Variants in SHANK2 observed in about 807,000 individuals in gnomAD.
The protein encoded by SHANK2 is SH3 and multiple ankyrin repeat domains protein 2.
Under a neutral mutation model 133.7 loss-of-function variants are expected in SHANK2, and 43 were observed. That is an observed-to-expected ratio of 0.32 (90% CI 0.25 to 0.41). The LOEUF is 0.41. Ranked by LOEUF, SHANK2 falls within the 10% of genes least tolerant of loss-of-function variation. The pLI, the probability that SHANK2 is intolerant of heterozygous loss-of-function variation, is 1.00. For missense variants in SHANK2, 1,994 were observed against 2,235.8 expected, an observed-to-expected ratio of 0.89 and a Z score of 2.18; for synonymous variants, 1,017 against 952.8, an observed-to-expected ratio of 1.07 and a Z score of -1.24.
intron 10 of SHANK2, among the ~76,000 whole-genome samples, chr11:70,949,868 C>G (rs1275480320): frequency 2.0e-5 from 3 of 152,212 alleles, no homozygotes; most frequent in African/African-American, 7.2e-5. Flanking sequence ...CTTAGTGAGT[C>G]GGGGCCTCTA....
chr11:70,773,432 A>T (rs1174104806), intron 14 of SHANK2, among the ~76,000 whole-genome samples: 1 of 152,232 alleles, frequency 6.6e-6, no homozygotes, highest in African/African-American at 2.4e-5. Context: ...CTTTGGAAGG[A>T]TCTTTTCAAT....
chr11:70,795,263 T>A (rs1565321404), intron 14 of SHANK2, among the ~76,000 whole-genome samples: 1 of 152,096 alleles, frequency 6.6e-6, no homozygotes, highest in Non-Finnish European at 1.5e-5. Context: ...CTAGAACCTG[T>A]GAATATGCTC....
At chr11:70,828,695 C>T (rs1470173282) in intron 11 of SHANK2, among the ~76,000 whole-genome samples, 7 of 152,158 alleles carry the variant, frequency 4.6e-5, no homozygotes, top group East Asian at 1.9e-4. Flanking sequence ...CCCTGGCTGG[C>T]GAGCGCTGGG....
At chr11:71,080,233 AC>A (rs1457113899) in intron 8 of SHANK2, among the ~76,000 whole-genome samples, 3 of 152,106 alleles carry the variant, frequency 2.0e-5, no homozygotes, top group African/African-American at 7.2e-5. Context: ...GGGAGGCTCC[AC>A]CCATGTCTGC....
chr11:70,756,708 G>A (rs956280535), intron 14 of SHANK2, among the ~76,000 whole-genome samples: 1 of 152,192 alleles, frequency 6.6e-6, no homozygotes, highest in Non-Finnish European at 1.5e-5. Context: ...CACACTCTGG[G>A]GCACCAGGCA....
At chr11:70,606,011 G>C (rs968406743) in intron 17 of SHANK2, among the ~76,000 whole-genome samples, 6 of 152,148 alleles carry the variant, frequency 3.9e-5, no homozygotes, top group Non-Finnish European at 8.8e-5. Flanking sequence ...CCTGGGGAAA[G>C]ATAACCATCC....
chr11:71,167,830 C>A (rs1422202717), intron 2 of SHANK2, among the ~76,000 whole-genome samples: 63 of 120,018 alleles, frequency 5.2e-4, no homozygotes, highest in Admixed American at 1.4e-3. Flanking sequence ...ACGGGGCGGC[C>A]GGCCAGGCAG....
At chr11:70,784,362 T>TG (rs1555045949) in intron 14 of SHANK2, among the ~76,000 whole-genome samples, 5 of 138,394 alleles carry the variant, frequency 3.6e-5, no homozygotes, top group African/African-American at 1.4e-4. Flanking sequence ...TTTTTTTTTT[T>TG]TTTTTTTTTT....
intron 14 of SHANK2, among the ~76,000 whole-genome samples, chr11:70,795,317 G>A (rs572304580): frequency 1.6e-4 from 25 of 152,172 alleles, no homozygotes; most frequent in African/African-American, 4.8e-4. Context: ...GAATTAAGGC[G>A]GCCCATCAGT....
intron 14 of SHANK2, among the ~76,000 whole-genome samples, chr11:70,746,202 G>T (rs1343702444): frequency 1.3e-5 from 2 of 152,256 alleles, no homozygotes; most frequent in Non-Finnish European, 2.9e-5. Context: ...GGGCTGGGTA[G>T]CGTGCCCAGC....
At chr11:70,480,816 G>A (rs151322260) in intron 25 of SHANK2, among the ~76,000 whole-genome samples, 392 of 152,326 alleles carry the variant, frequency 2.6e-3, no homozygotes, top group Non-Finnish European at 4.1e-3. Context: ...GGTGAATTCA[G>A]GAGACAGTGG....
At chr11:70,540,522 C>T (rs929232060) in intron 17 of SHANK2, among the ~76,000 whole-genome samples, 9 of 150,944 alleles carry the variant, frequency 6.0e-5, no homozygotes, top group South Asian at 2.1e-4. Flanking sequence ...GACACACACA[C>T]GATACCCATG....
intron 13 of SHANK2, among the ~76,000 whole-genome samples, chr11:70,801,327 C>T (rs959292605): frequency 2.0e-4 from 31 of 152,202 alleles, no homozygotes; most frequent in African/African-American, 3.4e-4. Flanking sequence ...CCCCCCAACA[C>T]GGGGAGCCTT....
At chr11:71,166,497 T>TTTA (rs1953154240) in intron 2 of SHANK2, among the ~76,000 whole-genome samples, 3 of 150,768 alleles carry the variant, frequency 2.0e-5, no homozygotes, top group African/African-American at 4.9e-5. Context: ...CTTTTTTTTT[T>TTTA]GAGATGGAGT....
In SHANK2 at chr11:70,939,002, C is replaced by T. The variant is rs115396805; in HGVS notation, c.1108-42435G>A. ...GGCTAATCCAGGAGAGACACTAGGGCGCCGGAACTATGGGTGGCAGCAGGG... is the reference window on the plus strand; with the variant it reads ...GGCTAATCCAGGAGAGACACTAGGGTGCCGGAACTATGGGTGGCAGCAGGG... On this transcript the variant is annotated intron_variant, in intron 10 of 25. Transcript: ENST00000601538. 5.0e-3 allele frequency among the ~76,000 whole-genome samples: 755 copies of T among 152,060 alleles called. 7 individuals carry two copies. Among genetic ancestry groups the T allele is most frequent in the African/African-American group, 0.016 (671 of 41,470 alleles).
chr11:71,090,786 G>A (rs536258400), intron 8 of SHANK2, among the ~76,000 whole-genome samples: 1 of 152,144 alleles, frequency 6.6e-6, no homozygotes, highest in South Asian at 2.1e-4. Context: ...ATGCAATCAC[G>A]GAGGCTGTAA....
rs193089202 is a variant in SHANK2, at chr11:70,739,204, T to A, written c.1778-40441A>T. 9.9e-5 allele frequency among the ~76,000 whole-genome samples: 15 copies of A among 152,282 alleles called. No individual in the cohort carries two copies. The highest frequency in any genetic ancestry group is 3.4e-4 in the African/African-American group (14 of 41,556). On this transcript the variant is annotated intron_variant, in intron 14 of 25. Coordinates refer to ENST00000601538, the MANE Select transcript of SHANK2 (RefSeq NM_012309.5). This position sits in a 1 kb window ranked among gnomAD's most constrained non-coding sequence, Gnocchi z 4.3. ...CCAACTGAACCTCAGCCAGAGGGCC[T>A]GATGGTGGGGATGCGGCATGTGAAC...
intron 2 of SHANK2, among the ~76,000 whole-genome samples, chr11:71,191,545 C>A (rs529397546): frequency 1.8e-4 from 27 of 152,142 alleles, no homozygotes; most frequent in African/African-American, 6.3e-4. Flanking sequence ...TCCTCATCTC[C>A]TCCTCTGTTT....
chr11:71,130,783 GT>G (rs1422996558), intron 3 of SHANK2, among the ~76,000 whole-genome samples: 5 of 152,008 alleles, frequency 3.3e-5, no homozygotes, highest in Non-Finnish European at 5.9e-5. Flanking sequence ...ATCTCAGGTC[GT>G]GGCCCCACAG....
Sources: gnomAD v4.1 joint callset for allele counts (sites outside exome capture counted in the v4.1 genomes callset) on GRCh38, gnomAD v4.1.1 for gene constraint, Gnocchi (gnomAD v3.1) non-coding constraint, MANE v1.5 for transcripts, NCBI Gene and HGNC (gene_info 2026-07-23, HGNC 2026-07-21) for gene names.